TMEM62: variants seen among roughly 807,000 people sequenced by gnomAD.
TMEM62 encodes the protein transmembrane protein 62.
Under a neutral mutation model 70.4 loss-of-function variants are expected in TMEM62, and 41 were observed. The observed-to-expected ratio is 0.58, with a 90% CI of 0.45 to 0.76. TMEM62 has a LOEUF of 0.76. TMEM62 is among the 30% of genes least tolerant of loss of function. The probability of loss-of-function intolerance (pLI) is 0.00; values close to 1 mark genes in which losing one functional copy is unlikely to be tolerated. For missense variants in TMEM62, 688 were observed against 788.5 expected, an observed-to-expected ratio of 0.87 and a Z score of 1.53; for synonymous variants, 268 against 291.0, an observed-to-expected ratio of 0.92 and a Z score of 0.80.
chr15:43,181,028 A>G (rs1392655820), intron 12 of TMEM62, 153 bp from the exon 13 acceptor site: 4 of 647,762 alleles, frequency 6.2e-6, no homozygotes, highest in Non-Finnish European at 1.1e-5. Context: ...AGTACAACAC[A>G]GAGACTAGCA....
intron 9 of TMEM62, among the ~76,000 whole-genome samples, chr15:43,156,529 T>C (rs1055002296): frequency 6.6e-5 from 10 of 152,162 alleles, no homozygotes; most frequent in African/African-American, 2.4e-4. Flanking sequence ...GAATAAATTA[T>C]TCCCTGTCTT....
At chr15:43,163,863 C>A (rs932977188) in intron 10 of TMEM62, among the ~76,000 whole-genome samples, 1 of 152,104 alleles carries the variant, frequency 6.6e-6, no homozygotes, top group Non-Finnish European at 1.5e-5. Context: ...TCCTAACAGG[C>A]TTTAGTGGAT....
intron 10 of TMEM62, among the ~76,000 whole-genome samples, chr15:43,165,484 G>C (rs868553494): frequency 2.9e-4 from 44 of 151,926 alleles, no homozygotes; most frequent in African/African-American, 8.4e-4. Flanking sequence ...CTGTAATCCC[G>C]GCACTTTGGG....
At position 43,160,775 on chromosome 15, in the gene TMEM62, G is replaced by A. The variant is rs974905830; in HGVS notation, c.1277G>A (p.Arg426His). 1.6e-5 allele frequency: 25 copies of A among 1,599,366 alleles called. No homozygotes were observed. Among genetic ancestry groups the A allele is most frequent in the African/African-American group, 5.4e-5 (4 of 74,486 alleles). Residue 426 changes from arginine to histidine, a missense_variant, in exon 10 of 14, where the codon CGT becomes CAT. Arg to His is a conservative substitution (Grantham distance 29). Transcript: ENST00000260403. ...GATCCCCTGGCATCATTTATTCTCC[G>A]TACTGATCACTACATCATGGTAAGT... is the stretch of plus-strand genomic sequence containing the variant. ...SFDPLASFILRTDHYIMARVL... is the reference protein window; with the variant it reads ...SFDPLASFILHTDHYIMARVL...
At chr15:43,181,938 C>T (rs2041371272) in intron 13 of TMEM62, among the ~76,000 whole-genome samples, 1 of 151,762 alleles carries the variant, frequency 6.6e-6, no homozygotes, top group Non-Finnish European at 1.5e-5. Context: ...TCTGAGTAAA[C>T]CAAAACTGAT....
chr15:43,156,231 G>T (rs918512121), intron 9 of TMEM62, among the ~76,000 whole-genome samples: 3 of 152,122 alleles, frequency 2.0e-5, no homozygotes, highest in African/African-American at 7.2e-5. Flanking sequence ...ACTATTTACT[G>T]AGCTCCCTCT....
chr15:43,144,210 G>A (rs1049140114), intron 4 of TMEM62, among the ~76,000 whole-genome samples: 4 of 152,168 alleles, frequency 2.6e-5, no homozygotes, highest in Admixed American at 6.5e-5. Context: ...AAAAAGATAG[G>A]TATGAAGAGA....
intron 11 of TMEM62, 135 bp from the exon 12 acceptor site, chr15:43,178,472 C>A: frequency 1.8e-6 from 1 of 551,192 alleles, no homozygotes; most frequent in East Asian, 3.0e-5. Context: ...AAAGTGGTGT[C>A]ATCTGTATAG....
chr15:43,167,533 G>A (rs1036227895), intron 10 of TMEM62, among the ~76,000 whole-genome samples: 5 of 151,442 alleles, frequency 3.3e-5, no homozygotes, highest in South Asian at 2.1e-4. Context: ...ATGGGCAGCC[G>A]GGCAGAGACG....
chr15:43,159,007 C>T (rs2038358962), intron 9 of TMEM62, among the ~76,000 whole-genome samples: 1 of 152,186 alleles, frequency 6.6e-6, no homozygotes, highest in African/African-American at 2.4e-5. Context: ...GACACAATCC[C>T]AGTAGTCTTT....
chr15:43,176,556 A>G (rs1445868891), intron 11 of TMEM62, among the ~76,000 whole-genome samples: 1 of 152,172 alleles, frequency 6.6e-6, no homozygotes, highest in Non-Finnish European at 1.5e-5. Flanking sequence ...GCCACCACTG[A>G]TGATACCCAG....
At chr15:43,174,849 G>C (rs2142033380) in intron 11 of TMEM62, among the ~76,000 whole-genome samples, 1 of 152,334 alleles carries the variant, frequency 6.6e-6, no homozygotes. Context: ...AATTACATCA[G>C]AATCTCTAGG....
chr15:43,162,301 C>CTT (rs767207961), intron 10 of TMEM62, among the ~76,000 whole-genome samples: 5 of 135,064 alleles, frequency 3.7e-5, no homozygotes, highest in East Asian at 2.1e-4. Context: ...CCACGTCCAG[C>CTT]TTTTTTTTTT....
intron 3 of TMEM62, among the ~76,000 whole-genome samples, chr15:43,137,161 C>A (rs1386329759): frequency 6.6e-6 from 1 of 152,152 alleles, no homozygotes; most frequent in African/African-American, 2.4e-5. Context: ...AACTCTTCTC[C>A]AAAAGAGTCC....
chr15:43,167,522 G>A (rs1167018399), intron 10 of TMEM62, among the ~76,000 whole-genome samples: 2 of 151,668 alleles, frequency 1.3e-5, no homozygotes, highest in Non-Finnish European at 1.5e-5. Flanking sequence ...CATCTCAGAC[G>A]ATGGGCAGCC....
At position 43,135,495 on chromosome 15, in the gene TMEM62, C is replaced by A. The variant is rs145419766; in HGVS notation, c.293-17C>A. On this transcript the variant is annotated splice_polypyrimidine_tract_variant and intron_variant, in intron 2 of 13. Transcript: ENST00000260403. ...GTTTATTTTGCATTGTGATTCAATT[C>A]TTGTGTAAACCTACAGGAGACCTGA... is the stretch of plus-strand genomic sequence containing the variant. 6.4e-7 allele frequency: 1 copy of A among 1,572,790 alleles called. No individual in the cohort carries two copies. Among genetic ancestry groups the A allele is most frequent in the Non-Finnish European group, 8.6e-7 (1 of 1,169,092 alleles).
Position 43,146,549 on chromosome 15 carries a change from T to C in TMEM62, c.533T>C (p.Phe178Ser). The C allele has an allele frequency of 6.2e-7, 1 of 1,613,766 alleles. No homozygotes were observed. The highest frequency in any genetic ancestry group is 8.5e-7 in the Non-Finnish European group (1 of 1,179,712). ...GSFHYVHSTP[F>S]GNYSFICVDA... ...TTCCATTATGTCCACAGTACTCCCT[T>C]TGGCAACTATTCGTTCATCTGTGTA... Residue 178 changes from phenylalanine (F) to serine (S), a missense_variant, in exon 5 of 14, where the codon TTT becomes TCT. Physicochemically the swap from Phe to Ser is radical, Grantham distance 155. Transcript: ENST00000260403.
chr15:43,181,222 T>G lies in TMEM62; in HGVS notation c.1528T>G (p.Cys510Gly), dbSNP rs911547955. The G allele has an allele frequency of 2.5e-6, 4 of 1,614,068 alleles. No individual in the cohort carries two copies. The highest frequency in any genetic ancestry group is 3.4e-6 in the Non-Finnish European group (4 of 1,179,982). ...TGAAATCATTGATGGCAAATTTGGT[T>G]GCTGCTTTTCCTTTGGGATATTTGT... The part of the protein sequence containing the change: ...FGEIIDGKFG[C>G]CFSFGIFVNG... The change falls in exon 13 of 14, where the codon TGC becomes GGC. Residue 510 changes from cysteine (C) to glycine (G), a missense_variant. Transcript: ENST00000260403.
chr15:43,135,052 G>T (rs1049061630), intron 2 of TMEM62, among the ~76,000 whole-genome samples: 1 of 152,092 alleles, frequency 6.6e-6, no homozygotes, highest in African/African-American at 2.4e-5. Flanking sequence ...TATAAATTTT[G>T]GTATTTTGTT....
Sources: allele counts gnomAD v4.1 joint callset (sites outside exome capture counted in the v4.1 genomes callset), GRCh38; gene constraint gnomAD v4.1.1; transcripts MANE v1.5; gene names NCBI Gene and HGNC (gene_info 2026-07-23, HGNC 2026-07-21).